Variants in G6PC3 observed in about 807,000 individuals in gnomAD.
The protein encoded by G6PC3 is glucose-6-phosphatase 3.
A neutral mutation model predicts 38.6 loss-of-function variants in G6PC3; 30 were observed. The observed-to-expected ratio is 0.78, with a 90% CI of 0.58 to 1.05. The LOEUF (loss-of-function observed/expected upper bound fraction) is 1.05, where lower values mean the gene tolerates loss of function less well. Among genes scored for constraint, G6PC3 ranks in the 50% least tolerant of loss-of-function variants. The pLI, the probability that G6PC3 is intolerant of heterozygous loss-of-function variation, is 0.00. For missense variants in G6PC3, 377 were observed against 443.1 expected (o/e 0.85, Z 1.34); for synonymous variants, 192 against 178.1 (o/e 1.08, Z -0.62).
In G6PC3 at chr17:44,074,981, G is replaced by A. The variant is rs2050057094; in HGVS notation, c.429G>A (p.Arg143=). The A allele has an allele frequency of 6.2e-7, 1 of 1,614,034 alleles. No individual in the cohort carries two copies. The highest frequency in any genetic ancestry group is 1.6e-4 in the Middle Eastern group (1 of 6,062). ...VATRARSRWV[R]VMPSLAYCTF... ...CTCTTCTTTCTAGCCGCTGGGTAAG[G>A]GTGATGCCTAGCCTGGCTTATTGCA... The change falls in exon 4 of 6, where the codon AGG becomes AGA. Residue 143 remains arginine (R), a synonymous_variant. Transcript: ENST00000269097.
rs992652990 is a variant in G6PC3, at chr17:44,075,647, G to A, written c.678-33G>A. On this transcript the variant is annotated intron_variant, in intron 5 of 5. Transcript: ENST00000269097. ...AGAGCCAGTGGCCTTCTATGTTCCAGCCTCTCCTGGCAAGAACTCTTCTTC... is the reference window on the plus strand; with the variant it reads ...AGAGCCAGTGGCCTTCTATGTTCCAACCTCTCCTGGCAAGAACTCTTCTTC... 13 of 1,607,566 alleles carry A rather than the reference G, an allele frequency of 8.1e-6. No homozygotes were observed. The Admixed American group carries it at 1.5e-4, about 19-fold the overall frequency.
In G6PC3 at chr17:44,076,277, C is replaced by T. The variant is rs763555878; in HGVS notation, c.*234C>T. ...CCAAAGAGCAAAGGCAACAGCAAGACCAGCGGGTTCTTGCAACACTGTGAG... is the reference window on the plus strand; with the variant it reads ...CCAAAGAGCAAAGGCAACAGCAAGATCAGCGGGTTCTTGCAACACTGTGAG... On this transcript the variant is annotated 3_prime_UTR_variant, in exon 6 of 6. Coordinates refer to ENST00000269097, the MANE Select transcript of G6PC3 (RefSeq NM_138387.4). The T allele has an allele frequency of 1.4e-6, 1 of 703,386 alleles. No individual in the cohort carries two copies. The highest frequency in any genetic ancestry group is 1.7e-5 in the African/African-American group (1 of 57,528). The allele number at this position is 703,386 out of a possible 1,614,324, so 43.6% of individuals were successfully genotyped here.
intron 1 of G6PC3, 32 bp from the exon 2 acceptor site, chr17:44,074,128 T>TGGAAA: frequency 6.7e-7 from 1 of 1,497,844 alleles, no homozygotes; most frequent in Non-Finnish European, 9.3e-7. Flanking sequence ...TGTGTGCATG[T>TGGAAA]GGAAAGTCAT....
intron 2 of G6PC3, 28 bp downstream of exon 2, chr17:44,074,294 C>T: frequency 3.3e-6 from 5 of 1,524,680 alleles, no homozygotes; most frequent in Non-Finnish European, 4.6e-6. Flanking sequence ...TTCTCCCTTT[C>T]CCAATGTGGT....
rs536609615 is a variant in G6PC3, at chr17:44,070,804, G to A, written c.-162G>A. 2,314 of 759,620 alleles carry A rather than the reference G, an allele frequency of 3.0e-3. 9 individuals are homozygous for A. The highest frequency in any genetic ancestry group is 3.3e-3 in the Non-Finnish European group (1,483 of 445,476). 47.1% of individuals were successfully genotyped at this position (759,620 alleles called of 1,614,324 possible). ...GGCTGGAGGCCGGTCTTGCAGGAGCGGGGGACTGCTGGGGGCGGGGCTTGG... is the reference window on the plus strand; with the variant it reads ...GGCTGGAGGCCGGTCTTGCAGGAGCAGGGGACTGCTGGGGGCGGGGCTTGG... On this transcript the variant is annotated 5_prime_UTR_variant, in exon 1 of 6. Transcript: ENST00000269097.
Position 44,076,029 on chromosome 17 carries a change from A to G in G6PC3, c.1027A>G (p.Ile343Val). Residue 343 changes from isoleucine to valine, a missense_variant, in exon 6 of 6, where the codon ATC (isoleucine) becomes GTC (valine). By Grantham distance (29) the Ile-to-Val change is conservative (BLOSUM62 3). Coordinates refer to ENST00000269097, the MANE Select transcript of G6PC3 (RefSeq NM_138387.4). ...HMFSAQEAPPIHSS is the reference protein window; with the variant it reads ...HMFSAQEAPPVHSS Reference sequence around the variant, plus strand: ...GTTCAGTGCCCAGGAAGCACCGCCCATCCACTCTTCCTGACTTCTTGTGTG... The same window carrying G: ...GTTCAGTGCCCAGGAAGCACCGCCCGTCCACTCTTCCTGACTTCTTGTGTG... The G allele has an allele frequency of 6.2e-7, 1 of 1,612,884 alleles. No homozygotes were observed. The highest frequency in any genetic ancestry group is 8.5e-7 in the Non-Finnish European group (1 of 1,180,008).
intron 1 of G6PC3, chr17:44,071,664 A>G: frequency 1.6e-6 from 2 of 1,284,494 alleles, no homozygotes; most frequent in South Asian, 2.5e-5. Flanking sequence ...GTAGCTGCTA[A>G]GGACAGAGAC....
In G6PC3 at chr17:44,074,349, C is replaced by T. The variant is rs1304811904; in HGVS notation, c.325+83C>T. On this transcript the variant is annotated intron_variant, in intron 2 of 5. Transcript: ENST00000269097. ...TCAGAGTACTTTTCAGCCTGGGTGG[C>T]CCAACCAAAGGACCAGCCTCTCAAT... 3.6e-6 allele frequency: 4 copies of T among 1,122,268 alleles called. No individual in the cohort carries two copies. In the African/African-American group the frequency reaches 6.1e-5, roughly 17 times the overall value. 69.5% of individuals were successfully genotyped at this position (1,122,268 alleles called of 1,614,324 possible). A position where few individuals can be genotyped will look rare whatever the true frequency, so the allele number is the denominator to read the frequency against.
rs1189723378 is a variant in G6PC3, at chr17:44,075,099, G to C, written c.535+12G>C. 6.3e-7 allele frequency: 1 copy of C among 1,597,772 alleles called. No individual in the cohort carries two copies. The highest frequency in any genetic ancestry group is 8.6e-7 in the Non-Finnish European group (1 of 1,165,312). ...TGGCCTAATAACTGGTGAGCAACTG[G>C]GGCAACGGGGTGGACTGAGAGGATG... On this transcript the variant is annotated intron_variant, in intron 4 of 5. Transcript: ENST00000269097.
In G6PC3 at chr17:44,075,848, G is replaced by A. The variant is rs757593798; in HGVS notation, c.846G>A (p.Gln282=). The change falls in exon 6 of 6, where the codon CAG becomes CAA. Residue 282 remains glutamine, a synonymous_variant. Coordinates refer to ENST00000269097, the MANE Select transcript of G6PC3 (RefSeq NM_138387.4). ...GTCGGGCACAGCTGGGAAATGGCCA[G>A]AAGATAGCCTGCCTTGTGCTGGCCA... is the stretch of plus-strand genomic sequence containing the variant. The part of the protein sequence containing the change: ...QVRRAQLGNG[Q]KIACLVLAMG... 2.5e-6 allele frequency: 4 copies of A among 1,612,070 alleles called. No homozygotes were observed. The highest frequency in any genetic ancestry group is 3.4e-6 in the Non-Finnish European group (4 of 1,179,998).
At position 44,076,037 on chromosome 17, in the gene G6PC3, T is replaced by A. The variant is rs201244794; in HGVS notation, c.1035T>A (p.Ser345=). 301 of 1,612,760 alleles carry A rather than the reference T, an allele frequency of 1.9e-4. 2 individuals are homozygous for A. The highest frequency in any genetic ancestry group is 2.1e-5 in the Non-Finnish European group (25 of 1,180,022). Residue 345 remains serine, a synonymous_variant, in exon 6 of 6, where the codon TCT becomes TCA. Coordinates refer to ENST00000269097, the MANE Select transcript of G6PC3 (RefSeq NM_138387.4). ...CCCAGGAAGCACCGCCCATCCACTCTTCCTGACTTCTTGTGTGCCTCCCTT... is the reference window on the plus strand; with the variant it reads ...CCCAGGAAGCACCGCCCATCCACTCATCCTGACTTCTTGTGTGCCTCCCTT... ...FSAQEAPPIH[S]S
chr17:44,075,538 T>A, intron 5 of G6PC3, 87 bp downstream of exon 5: 1 of 1,602,750 alleles, frequency 6.2e-7, no homozygotes, highest in East Asian at 2.2e-5. Flanking sequence ...TCATTATAGC[T>A]AAAAAAGGAC....
chr17:44,076,093 T>G lies in G6PC3; in HGVS notation c.*50T>G, dbSNP rs781030932. ...TCCCTCCCACAAAGCCAACACTCTG[T>G]GACCACCACACTCCAGGAGGCAGCC... is the stretch of plus-strand genomic sequence containing the variant. On this transcript the variant is annotated 3_prime_UTR_variant, in exon 6 of 6. Coordinates refer to ENST00000269097, the MANE Select transcript of G6PC3 (RefSeq NM_138387.4). 1.2e-6 allele frequency: 2 copies of G among 1,606,322 alleles called. No individual in the cohort carries two copies. The highest frequency in any genetic ancestry group is 1.7e-6 in the Non-Finnish European group (2 of 1,179,496).
In G6PC3 at chr17:44,076,251, C is replaced by G; in HGVS notation, c.*208C>G. 1 of 755,786 alleles carries G rather than the reference C, an allele frequency of 1.3e-6. No individual in the cohort carries two copies. Among genetic ancestry groups the G allele is most frequent in the South Asian group, 1.4e-5 (1 of 70,768 alleles). 46.8% of individuals were successfully genotyped at this position (755,786 alleles called of 1,614,324 possible). Reference sequence around the variant, plus strand: ...CTCCCTCTGCCTTTCCTCTCAAGCCCCCAAAGAGCAAAGGCAACAGCAAGA... The same window carrying G: ...CTCCCTCTGCCTTTCCTCTCAAGCCGCCAAAGAGCAAAGGCAACAGCAAGA... On this transcript the variant is annotated 3_prime_UTR_variant, in exon 6 of 6. Transcript: ENST00000269097.
chr17:44,075,627 C>A, intron 5 of G6PC3, 53 bp from the exon 6 acceptor site: 1 of 1,606,066 alleles, frequency 6.2e-7, no homozygotes, highest in Non-Finnish European at 8.5e-7. Flanking sequence ...GGCCAAGAGC[C>A]AGTGGCCTTC....
At position 44,075,716 on chromosome 17, in the gene G6PC3, T is replaced by C; in HGVS notation, c.714T>C (p.Pro238=). Residue 238 remains proline (P), a synonymous_variant, in exon 6 of 6, where the codon CCT becomes CCC. Transcript: ENST00000269097. The part of the protein sequence containing the change: ...ISLAFKWCER[P]EWIHVDSRPF... Reference sequence around the variant, plus strand: ...TAGCCTTCAAGTGGTGTGAGCGGCCTGAGTGGATACACGTGGATAGCCGGC... The same window carrying C: ...TAGCCTTCAAGTGGTGTGAGCGGCCCGAGTGGATACACGTGGATAGCCGGC... 6.2e-7 allele frequency: 1 copy of C among 1,612,686 alleles called. No individual in the cohort carries two copies. The highest frequency in any genetic ancestry group is 1.1e-5 in the South Asian group (1 of 91,090).
chr17:44,072,170 T>G (rs2049992173), intron 1 of G6PC3: 1 of 171,762 alleles, frequency 5.8e-6, no homozygotes. Flanking sequence ...ATCTGTTCAC[T>G]TCTTTCTTGC....
intron 2 of G6PC3, 40 bp from the exon 3 acceptor site, chr17:44,074,640 C>T (rs377547748): frequency 1.3e-6 from 2 of 1,589,550 alleles, no homozygotes; most frequent in Non-Finnish European, 1.7e-6. Context: ...CGGGGTTCTG[C>T]CTCCATCTTC....
intron 1 of G6PC3, chr17:44,072,048 A>C (rs367783299): frequency 2.8e-5 from 7 of 246,808 alleles, no homozygotes; most frequent in South Asian, 2.6e-4. Flanking sequence ...AGGGAGGCTC[A>C]TAGGAGGTAT....
Sources: allele counts gnomAD v4.1 joint callset, GRCh38; gene constraint gnomAD v4.1.1; transcripts MANE v1.5; gene names NCBI Gene and HGNC (gene_info 2026-07-23, HGNC 2026-07-21).